The following CDC14A variants were observed in gnomAD, a reference collection of about 807,000 sequenced individuals.
CDC14A encodes cell division cycle 14A.
Under a neutral mutation model 74.4 loss-of-function variants are expected in CDC14A, and 53 were observed. The observed-to-expected ratio is 0.71, with a 90% CI of 0.57 to 0.89. The LOEUF is 0.89. CDC14A is among the 40% of genes least tolerant of loss of function. CDC14A has a pLI of 0.00. For synonymous variants in CDC14A, 247 were observed against 258.4 expected (o/e 0.96, Z 0.43); for missense variants, 646 against 713.7 (o/e 0.91, Z 1.08).
At chr1:100,409,159 A>G (rs1660337353) in intron 4 of CDC14A, among the ~76,000 whole-genome samples, 1 of 151,308 alleles carries the variant, frequency 6.6e-6, no homozygotes. Context: ...ATAAGAGAAG[A>G]GAACTTGTGC....
chr1:100,429,269 A>C (rs573609398), intron 5 of CDC14A, among the ~76,000 whole-genome samples: 7 of 145,252 alleles, frequency 4.8e-5, no homozygotes, highest in Non-Finnish European at 9.1e-5. Flanking sequence ...TAAACAGGGA[A>C]TAAAATTATG....
intron 10 of CDC14A, among the ~76,000 whole-genome samples, chr1:100,474,778 T>C (rs567035602): frequency 1.4e-4 from 21 of 152,132 alleles, no homozygotes; most frequent in African/African-American, 5.1e-4. Context: ...TTTCATTAAT[T>C]TTCTCCTTAT....
chr1:100,390,766 A>G lies in CDC14A; in HGVS notation c.251A>G (p.Tyr84Cys), dbSNP rs143209870. The change falls in exon 4 of 16, where the codon TAC becomes TGC. Residue 84 changes from tyrosine (Y) to cysteine (C), a missense_variant. Physicochemically the swap from Tyr to Cys is radical, Grantham distance 194. Coordinates refer to ENST00000336454, the MANE Select transcript of CDC14A (RefSeq NM_003672.4). Reference sequence around the variant, plus strand: ...TTGTCAAGAAAGAAAATAGTGCACTACACCTGTTTTGACCAACGGAAAAGA... The same window carrying G: ...TTGTCAAGAAAGAAAATAGTGCACTGCACCTGTTTTGACCAACGGAAAAGA... ...YSLSRKKIVH[Y>C]TCFDQRKRAN... The G allele has an allele frequency of 5.0e-6, 8 of 1,612,990 alleles. No individual in the cohort carries two copies. The highest frequency in any genetic ancestry group is 6.8e-6 in the Non-Finnish European group (8 of 1,179,328).
rs190668890 is a variant in CDC14A, at chr1:100,426,697, A to G, written c.389+2396A>G. On this transcript the variant is annotated intron_variant, in intron 5 of 15. Coordinates refer to ENST00000336454, the MANE Select transcript of CDC14A (RefSeq NM_003672.4). Reference sequence around the variant, plus strand: ...TCCTTTCCAGGTAACTTCTGGTATTAGTTGATTTGATATCAGTCTAGAATT... The same window carrying G: ...TCCTTTCCAGGTAACTTCTGGTATTGGTTGATTTGATATCAGTCTAGAATT... 2.5e-3 allele frequency among the ~76,000 whole-genome samples: 381 copies of G among 152,348 alleles called. 4 individuals carry two copies. The highest frequency in any genetic ancestry group is 8.9e-3 in the African/African-American group (372 of 41,586).
chr1:100,442,798 A>T, intron 6 of CDC14A, 136 bp from the exon 7 acceptor site: 1 of 638,876 alleles, frequency 1.6e-6, no homozygotes, highest in African/African-American at 1.9e-5. Context: ...AGATTTCTAG[A>T]TATGCATTAA....
Position 100,494,060 on chromosome 1 carries a change from C to T in CDC14A, c.1138-758C>T, listed in dbSNP as rs116748442. 5.2e-3 allele frequency among the ~76,000 whole-genome samples: 792 copies of T among 152,286 alleles called. 7 individuals are homozygous for T. The highest frequency in any genetic ancestry group is 0.018 in the African/African-American group (732 of 41,564). On this transcript the variant is annotated intron_variant, in intron 11 of 15. Transcript: ENST00000336454. ...GCTATGGCATATATTTTAGAAAGAACATTGCATCTTGGGACAATAAATCTA... is the reference window on the plus strand; with the variant it reads ...GCTATGGCATATATTTTAGAAAGAATATTGCATCTTGGGACAATAAATCTA...
intron 8 of CDC14A, among the ~76,000 whole-genome samples, chr1:100,460,200 T>G (rs1352023301): frequency 6.6e-6 from 1 of 152,212 alleles, no homozygotes; most frequent in Non-Finnish European, 1.5e-5. Flanking sequence ...GGTGCAATTA[T>G]TGTTGTTATT....
chr1:100,516,605 G>C (rs1650257124), intron 15 of CDC14A, among the ~76,000 whole-genome samples: 1 of 152,034 alleles, frequency 6.6e-6, no homozygotes, highest in African/African-American at 2.4e-5. Flanking sequence ...TTATAGCTGG[G>C]GGACTTAACT....
chr1:100,382,858 G>A (rs1656333593), intron 3 of CDC14A, among the ~76,000 whole-genome samples: 1 of 152,218 alleles, frequency 6.6e-6, no homozygotes, highest in African/African-American at 2.4e-5. Flanking sequence ...CCTGGCAGAT[G>A]GTGGGGCTTA....
At chr1:100,484,252 C>CT in intron 10 of CDC14A, 40 bp from the exon 11 acceptor site, 1 of 1,293,472 alleles carries the variant, frequency 7.7e-7, no homozygotes, top group Non-Finnish European at 1.0e-6. Context: ...TTAAAGATAA[C>CT]TTTTTCTTGT....
chr1:100,396,005 C>T (rs897846135), intron 4 of CDC14A, among the ~76,000 whole-genome samples: 1 of 152,300 alleles, frequency 6.6e-6, no homozygotes, highest in South Asian at 2.1e-4. Flanking sequence ...ACCTTTGTTG[C>T]TTTATTTTCT....
At chr1:100,430,051 T>G (rs1009754927) in intron 5 of CDC14A, among the ~76,000 whole-genome samples, 17 of 152,114 alleles carry the variant, frequency 1.1e-4, no homozygotes, top group African/African-American at 3.6e-4. Flanking sequence ...ACTGATTTTC[T>G]TCCTCCTGCC....
At chr1:100,473,714 A>G (rs781720228) in intron 10 of CDC14A, among the ~76,000 whole-genome samples, 24 of 152,168 alleles carry the variant, frequency 1.6e-4, no homozygotes, top group Non-Finnish European at 1.3e-4. Flanking sequence ...TTTATTTTGT[A>G]TCCCGAAACC....
intron 5 of CDC14A, 133 bp from the exon 6 acceptor site, chr1:100,439,799 G>A: frequency 1.5e-6 from 1 of 646,522 alleles, no homozygotes; most frequent in Non-Finnish European, 2.8e-6. Flanking sequence ...AGGATCTAAT[G>A]TATTATATAA....
chr1:100,367,320 T>A (rs1196513393), intron 2 of CDC14A, among the ~76,000 whole-genome samples: 1 of 152,210 alleles, frequency 6.6e-6, no homozygotes, highest in Non-Finnish European at 1.5e-5. Context: ...TCCCTCTAGC[T>A]AATAGTATGT....
chr1:100,454,651 C>T (rs1399558981), intron 7 of CDC14A, among the ~76,000 whole-genome samples: 3 of 152,130 alleles, frequency 2.0e-5, no homozygotes, highest in African/African-American at 7.2e-5. Context: ...AGCCAATGGG[C>T]ATGTTTTATT....
In CDC14A at chr1:100,385,695, C is replaced by T. The variant is rs28361210; in HGVS notation, c.217-5037C>T. Among the ~76,000 whole-genome samples the T allele has an allele frequency of 4.6e-3, 695 of 152,258 alleles. 5 individuals are homozygous for T. The highest frequency in any genetic ancestry group is 0.016 in the African/African-American group (665 of 41,546). On this transcript the variant is annotated intron_variant, in intron 3 of 15. Coordinates refer to ENST00000336454, the MANE Select transcript of CDC14A (RefSeq NM_003672.4). ...GGGCTTATGTTCTCCTTGTAAAACA[C>T]AGTGTGCTCATTATATTTTAGCCTT... is the stretch of plus-strand genomic sequence containing the variant.
At chr1:100,467,106 T>C (rs1236634485) in intron 9 of CDC14A, among the ~76,000 whole-genome samples, 4 of 151,804 alleles carry the variant, frequency 2.6e-5, no homozygotes, top group Non-Finnish European at 5.9e-5. Flanking sequence ...TGAGGAACAC[T>C]GATTTAAAGA....
chr1:100,461,847 T>C (rs1667346032), intron 8 of CDC14A, among the ~76,000 whole-genome samples: 2 of 152,248 alleles, frequency 1.3e-5, no homozygotes, highest in African/African-American at 4.8e-5. Context: ...ATATTTATGG[T>C]GTACAACAAC....
Sources: gnomAD v4.1 joint callset for allele counts (sites outside exome capture counted in the v4.1 genomes callset) on GRCh38, gnomAD v4.1.1 for gene constraint, MANE v1.5 for transcripts, NCBI Gene and HGNC (gene_info 2026-07-23, HGNC 2026-07-21) for gene names.